NEDD4L: variants seen among roughly 807,000 people sequenced by gnomAD.
NEDD4L encodes E3 ubiquitin-protein ligase NEDD4-like.
NEDD4L carries 54 observed loss-of-function variants against 148.9 expected under a neutral mutation model. That is an observed-to-expected ratio of 0.36 (90% CI 0.29 to 0.45). The LOEUF is 0.45. Ranked by LOEUF, NEDD4L falls within the 20% of genes least tolerant of loss-of-function variation. The pLI, the probability that NEDD4L is intolerant of heterozygous loss-of-function variation, is 1.00. For synonymous variants in NEDD4L, 433 were observed against 440.7 expected, an observed-to-expected ratio of 0.98 and a Z score of 0.22; for missense variants, 856 against 1,233.8, an observed-to-expected ratio of 0.69 and a Z score of 4.59.
chr18:58,092,448 G>T (rs757648155), intron 1 of NEDD4L, among the ~76,000 whole-genome samples: 16 of 152,148 alleles, frequency 1.1e-4, no homozygotes, highest in Non-Finnish European at 2.1e-4. Flanking sequence ...GGCCCAGGGC[G>T]TCCAAGGGAC....
intron 2 of NEDD4L, among the ~76,000 whole-genome samples, chr18:58,211,430 C>T (rs2147724727): frequency 6.6e-6 from 1 of 152,296 alleles, no homozygotes; most frequent in African/African-American, 2.4e-5. Flanking sequence ...ATTTCTTTCA[C>T]AATAGCAGCA....
chr18:58,341,643 C>T (rs1178155644), intron 14 of NEDD4L, 35 bp from the exon 15 acceptor site: 2 of 1,596,384 alleles, frequency 1.3e-6, no homozygotes, highest in South Asian at 1.1e-5. Context: ...GGGAGATCCT[C>T]CTATGAAGCT....
chr18:58,346,064 T>C (rs184771020), intron 16 of NEDD4L, among the ~76,000 whole-genome samples: 26 of 152,256 alleles, frequency 1.7e-4, no homozygotes, highest in African/African-American at 6.0e-4. Context: ...AGGCCAAGTT[T>C]AGCTTCATTC....
At chr18:58,215,212 C>A (rs139883965) in intron 2 of NEDD4L, among the ~76,000 whole-genome samples, 1 of 152,182 alleles carries the variant, frequency 6.6e-6, no homozygotes, top group Non-Finnish European at 1.5e-5. Flanking sequence ...TGTTCATAGA[C>A]GTTGGGAAAT....
intron 5 of NEDD4L, among the ~76,000 whole-genome samples, chr18:58,272,906 A>C (rs59965374): frequency 0.011 from 1,648 of 152,308 alleles, 26 homozygotes; most frequent in African/African-American, 0.037. Context: ...AAATACCTAC[A>C]TATTTTCATG....
Position 58,159,203 on chromosome 18 carries a change from C to T in NEDD4L, c.49-6585C>T, listed in dbSNP as rs139536478. On this transcript the variant is annotated intron_variant, in intron 1 of 30. Transcript: ENST00000400345. The stretch of plus-strand genomic sequence containing the variant: ...GACAGGAAGGTGTGTGGGGTGGGGA[C>T]GCAATAGGACAGTGTGTGAGATTTT... 1.9e-3 allele frequency among the ~76,000 whole-genome samples: 281 copies of T among 151,532 alleles called. 3 individuals are homozygous for T. Among genetic ancestry groups the T allele is most frequent in the African/African-American group, 6.4e-3 (265 of 41,228 alleles).
At chr18:58,357,632 C>T (rs1229036236) in intron 19 of NEDD4L, among the ~76,000 whole-genome samples, 1 of 151,960 alleles carries the variant, frequency 6.6e-6, no homozygotes, top group African/African-American at 2.4e-5. Flanking sequence ...AAATGTATGC[C>T]AAAAGTTTAA....
chr18:58,208,141 GT>G (rs2042158808), intron 2 of NEDD4L, among the ~76,000 whole-genome samples: 2 of 152,172 alleles, frequency 1.3e-5, no homozygotes, highest in Admixed American at 1.3e-4. Context: ...TCTAATGGGG[GT>G]TTAATATAAT....
At chr18:58,204,863 G>C (rs893670620) in intron 2 of NEDD4L, among the ~76,000 whole-genome samples, 1 of 152,190 alleles carries the variant, frequency 6.6e-6, no homozygotes, top group Non-Finnish European at 1.5e-5. Flanking sequence ...AATGGTTTGC[G>C]AGACAAAATG....
chr18:58,080,490 G>A (rs924582047), intron 1 of NEDD4L, among the ~76,000 whole-genome samples: 1 of 152,190 alleles, frequency 6.6e-6, no homozygotes, highest in Admixed American at 6.5e-5. Flanking sequence ...AAAGGTGAGA[G>A]GCTATATATT....
intron 23 of NEDD4L, among the ~76,000 whole-genome samples, chr18:58,371,177 C>G (rs1431101541): frequency 1.3e-5 from 2 of 149,902 alleles, no homozygotes; most frequent in African/African-American, 4.9e-5. Flanking sequence ...GCTGGGATTA[C>G]AGGCACACGC....
intron 5 of NEDD4L, among the ~76,000 whole-genome samples, chr18:58,299,953 G>A (rs1422135719): frequency 6.6e-6 from 1 of 152,022 alleles, no homozygotes; most frequent in Non-Finnish European, 1.5e-5. Context: ...CCAATGTCTG[G>A]GCAAGATTTT....
intron 2 of NEDD4L, among the ~76,000 whole-genome samples, chr18:58,229,794 A>G (rs1278015715): frequency 6.6e-6 from 1 of 152,126 alleles, no homozygotes; most frequent in Non-Finnish European, 1.5e-5. Context: ...GATCAAGACT[A>G]TCCTGGCCAA....
chr18:58,184,935 AAAAAG>A (rs548905053), intron 2 of NEDD4L, among the ~76,000 whole-genome samples: 5 of 152,014 alleles, frequency 3.3e-5, no homozygotes, highest in African/African-American at 9.7e-5. Flanking sequence ...CTCAAAAAAA[AAAAAG>A]AAAAGAAAAG....
rs536529380 is a variant in NEDD4L, at chr18:58,273,246, C to T, written c.297+21192C>T. 1.4e-4 allele frequency among the ~76,000 whole-genome samples: 21 copies of T among 152,322 alleles called. No homozygotes were observed. The South Asian group carries it at 4.4e-3, about 32-fold the overall frequency. On this transcript the variant is annotated intron_variant, in intron 5 of 30. Coordinates refer to ENST00000400345, the MANE Select transcript of NEDD4L (RefSeq NM_001144967.3). Reference sequence around the variant, plus strand: ...AGTCATGCATCTGATATATAAATAGCATGGAGATACCCTCAGTAGATGCAA... The same window carrying T: ...AGTCATGCATCTGATATATAAATAGTATGGAGATACCCTCAGTAGATGCAA...
intron 1 of NEDD4L, among the ~76,000 whole-genome samples, chr18:58,108,537 C>G (rs1160887175): frequency 6.6e-6 from 1 of 152,168 alleles, no homozygotes; most frequent in East Asian, 1.9e-4. Context: ...TCTCGTGTCT[C>G]AGCCTCCCGA....
At chr18:58,247,969 T>C (rs2047473140) in intron 3 of NEDD4L, among the ~76,000 whole-genome samples, 1 of 152,264 alleles carries the variant, frequency 6.6e-6, no homozygotes, top group South Asian at 2.1e-4. Context: ...GTGAGCTCTG[T>C]GTTTCCTATT....
At chr18:58,272,373 C>A (rs1274708306) in intron 5 of NEDD4L, among the ~76,000 whole-genome samples, 2 of 152,294 alleles carry the variant, frequency 1.3e-5, no homozygotes, top group African/African-American at 4.8e-5. Flanking sequence ...TAGTGACTCA[C>A]ACCTGTAATC....
At chr18:58,284,754 A>G (rs536208392) in intron 5 of NEDD4L, among the ~76,000 whole-genome samples, 1 of 152,342 alleles carries the variant, frequency 6.6e-6, no homozygotes, top group East Asian at 1.9e-4. Flanking sequence ...ATATATCTGG[A>G]TATTTTGTTT....
Sources: gnomAD v4.1 joint callset for allele counts (sites outside exome capture counted in the v4.1 genomes callset) on GRCh38, gnomAD v4.1.1 for gene constraint, MANE v1.5 for transcripts, NCBI Gene and HGNC (gene_info 2026-07-23, HGNC 2026-07-21) for gene names.